Variants in SORBS2 observed in about 807,000 individuals in gnomAD.
The protein encoded by SORBS2 is sorbin and SH3 domain-containing protein 2.
SORBS2 carries 46 observed loss-of-function variants against 97.7 expected under a neutral mutation model. The ratio of observed to expected loss-of-function variants is 0.47; its 90% CI spans 0.37 to 0.60. The LOEUF is 0.60. SORBS2 is among the 20% of genes least tolerant of loss of function. SORBS2 has a pLI of 0.00. For synonymous variants in SORBS2, 476 were observed against 473.4 expected, an observed-to-expected ratio of 1.01 and a Z score of -0.07; for missense variants, 1,316 against 1,282.3, an observed-to-expected ratio of 1.03 and a Z score of -0.40.
At chr4:185,855,958 C>A (rs780185274) in intron 1 of SORBS2, among the ~76,000 whole-genome samples, 1 of 152,070 alleles carries the variant, frequency 6.6e-6, no homozygotes, top group African/African-American at 2.4e-5. Context: ...TTAAATGTGC[C>A]TTTGGGATTC....
At chr4:185,743,229 A>G (rs2098738307) in intron 2 of SORBS2, among the ~76,000 whole-genome samples, 2 of 152,162 alleles carry the variant, frequency 1.3e-5, no homozygotes, top group African/African-American at 2.4e-5. Context: ...GTTTGACAAC[A>G]TGCTGCTTAG....
chr4:185,868,301 CGTGT>C (rs1347863890), intron 1 of SORBS2, among the ~76,000 whole-genome samples: 5 of 151,382 alleles, frequency 3.3e-5, no homozygotes, highest in South Asian at 2.1e-4. Context: ...GGATTACAGG[CGTGT>C]GCCACCATGC....
At chr4:185,692,673 A>G (rs1402631651) in intron 2 of SORBS2, among the ~76,000 whole-genome samples, 1 of 152,126 alleles carries the variant, frequency 6.6e-6, no homozygotes, top group Non-Finnish European at 1.5e-5. Context: ...CAGTGGGGGG[A>G]AAATGATGAA....
intron 2 of SORBS2, 144 bp from the exon 11 acceptor site, chr4:185,651,972 T>C (rs968296246): frequency 1.7e-6 from 1 of 605,592 alleles, no homozygotes; most frequent in Non-Finnish European, 2.9e-6. Context: ...TTTCTTTTTT[T>C]CTTTTTTTTT....
At chr4:185,821,158 C>T (rs543592673) in intron 1 of SORBS2, among the ~76,000 whole-genome samples, 1 of 152,206 alleles carries the variant, frequency 6.6e-6, no homozygotes, top group African/African-American at 2.4e-5. Flanking sequence ...AATGAACCGT[C>T]CCGCGCCTCA....
intron 1 of SORBS2, among the ~76,000 whole-genome samples, chr4:185,906,371 C>G (rs2099250831): frequency 6.6e-6 from 1 of 152,058 alleles, no homozygotes; most frequent in African/African-American, 2.4e-5. Flanking sequence ...TTATGCATCT[C>G]CAGATTTAAT....
chr4:185,941,027 T>A (rs1475391877), intron 1 of SORBS2, among the ~76,000 whole-genome samples: 1 of 152,110 alleles, frequency 6.6e-6, no homozygotes, highest in Admixed American at 6.6e-5. Flanking sequence ...CATAAAAGAA[T>A]TATCAGGGTC....
At chr4:185,632,616 A>G (rs1267542040) in intron 4 of SORBS2, among the ~76,000 whole-genome samples, 1 of 152,034 alleles carries the variant, frequency 6.6e-6, no homozygotes, top group Non-Finnish European at 1.5e-5. Context: ...TGTGCAGATC[A>G]CGGCTTTCGT....
At chr4:185,782,849 C>G (rs1031841785) in intron 1 of SORBS2, among the ~76,000 whole-genome samples, 1 of 152,220 alleles carries the variant, frequency 6.6e-6, no homozygotes, top group African/African-American at 2.4e-5. Flanking sequence ...GCTTGGTCTT[C>G]ACTGCATTTA....
Position 185,649,462 on chromosome 4 carries a change from C to T in SORBS2, c.281+5G>A, listed in dbSNP as rs775864476. Reference sequence around the variant, plus strand: ...CATAGGCCACCCTGGGGGGAAATGCCTTACTTTTCTGTTGAAGACCGATCT... The same window carrying T: ...CATAGGCCACCCTGGGGGGAAATGCTTTACTTTTCTGTTGAAGACCGATCT... On this transcript the variant is annotated splice_donor_5th_base_variant and intron_variant, in intron 3 of 14. Coordinates refer to ENST00000418609, the Ensembl canonical transcript of SORBS2. The T allele has an allele frequency of 6.4e-6, 10 of 1,565,462 alleles. No homozygotes were observed. Among genetic ancestry groups the T allele is most frequent in the Non-Finnish European group, 6.9e-6 (8 of 1,154,568 alleles).
chr4:185,898,479 C>T (rs571499356), intron 1 of SORBS2, among the ~76,000 whole-genome samples: 18 of 152,222 alleles, frequency 1.2e-4, no homozygotes, highest in African/African-American at 4.1e-4. Context: ...ATTCACTGGA[C>T]GATGAAAGAC....
chr4:185,847,851 TCTG>T (rs1343725886), intron 1 of SORBS2, among the ~76,000 whole-genome samples: 1 of 152,198 alleles, frequency 6.6e-6, no homozygotes, highest in African/African-American at 2.4e-5. Context: ...TTGAGATTTT[TCTG>T]CTATCGTTTT....
At position 185,618,566 on chromosome 4, in the gene SORBS2, G is replaced by A; in HGVS notation, c.2351+19C>T. On this transcript the variant is annotated intron_variant, in intron 9 of 14. Coordinates refer to ENST00000418609, the Ensembl canonical transcript of SORBS2. ...TTAAAACCACCTTAAATCATATGAT[G>A]AGTATTTATCTTACTTACTTAGATG... 1 of 1,386,638 alleles carries A rather than the reference G, an allele frequency of 7.2e-7. No homozygotes were observed. The allele number at this position is 1,386,638 out of a possible 1,614,324, so 85.9% of individuals were successfully genotyped here.
rs565810373 is a variant in SORBS2 at position 185,715,446 on chromosome 4, T to A, written c.-197-36624A>T. On this transcript the variant is annotated intron_variant, in intron 2 of 20. Transcript: ENST00000284776. Reference sequence around the variant, plus strand: ...GACACGAAATAAAAAATAAAATAAATATTTAGTTTAAAAAATAAAAAGAAA... The same window carrying A: ...GACACGAAATAAAAAATAAAATAAAAATTTAGTTTAAAAAATAAAAAGAAA... Among the ~76,000 whole-genome samples the A allele has an allele frequency of 1.7e-3, 253 of 152,008 alleles. 2 individuals carry two copies. Among genetic ancestry groups the A allele is most frequent in the African/African-American group, 5.9e-3 (246 of 41,528 alleles).
intron 1 of SORBS2, among the ~76,000 whole-genome samples, chr4:185,817,807 CT>C (rs903819391): frequency 6.6e-6 from 1 of 152,188 alleles, no homozygotes; most frequent in African/African-American, 2.4e-5. Context: ...TGCTAAAGCC[CT>C]CAGCTGCCAA....
rs57797867 is a variant in SORBS2, at chr4:185,844,626, C to T, written c.-337-69260G>A. ...ATTCTACTCCTGTGTAAAAAGTGAA[C>T]ACAGATCTTCAAACAAAACTTGTAC... On this transcript the variant is annotated intron_variant, in intron 1 of 20. Coordinates refer to the SORBS2 transcript ENST00000284776. 3.1e-3 allele frequency among the ~76,000 whole-genome samples: 467 copies of T among 152,242 alleles called. 4 individuals carry two copies. Among genetic ancestry groups the T allele is most frequent in the African/African-American group, 0.011 (456 of 41,554 alleles).
chr4:185,775,000 T>G (rs933002828), intron 2 of SORBS2: 1 of 152,048 alleles, frequency 6.6e-6, no homozygotes, highest in South Asian at 2.1e-4. Flanking sequence ...GGCTTAGTCA[T>G]AGTCAAGCGT....
chr4:185,779,610 C>T (rs1303324049), intron 1 of SORBS2, among the ~76,000 whole-genome samples: 4 of 152,140 alleles, frequency 2.6e-5, no homozygotes, highest in Non-Finnish European at 5.9e-5. Flanking sequence ...CTCATCGCTT[C>T]CTATTATTTG....
At chr4:185,907,152 A>G (rs557111132) in intron 1 of SORBS2, among the ~76,000 whole-genome samples, 1 of 151,956 alleles carries the variant, frequency 6.6e-6, no homozygotes, top group East Asian at 1.9e-4. Context: ...AAAAAAAAAA[A>G]AAGAGGAATG....
Sources: gnomAD v4.1 joint callset for allele counts (sites outside exome capture counted in the v4.1 genomes callset) on GRCh38, gnomAD v4.1.1 for gene constraint, MANE v1.5 for transcripts, NCBI Gene and HGNC (gene_info 2026-07-23, HGNC 2026-07-21) for gene names.